The following ZNF804B variants were observed in gnomAD, a reference collection of about 807,000 sequenced individuals.
The protein encoded by ZNF804B is zinc finger protein 804B, also known as zinc finger 804B.
Under a neutral mutation model 101.4 loss-of-function variants are expected in ZNF804B, and 80 were observed. That is an observed-to-expected ratio of 0.79 (90% CI 0.66 to 0.95). The LOEUF (loss-of-function observed/expected upper bound fraction) is 0.95, where lower values mean the gene tolerates loss of function less well. ZNF804B is among the 40% of genes least tolerant of loss of function. ZNF804B has a pLI of 0.00. For synonymous variants in ZNF804B, 622 were observed against 558.8 expected (o/e 1.11, Z -1.59); for missense variants, 1,673 against 1,561.9 (o/e 1.07, Z -1.20).
intron 1 of ZNF804B, among the ~76,000 whole-genome samples, chr7:89,008,071 TA>T (rs1160494041): frequency 2.6e-5 from 4 of 152,254 alleles, no homozygotes; most frequent in Admixed American, 2.6e-4. Flanking sequence ...GAAAATCGGT[TA>T]AAGTTATTCA....
intron 2 of ZNF804B, among the ~76,000 whole-genome samples, chr7:89,253,593 T>G (rs7793013): frequency 0.12 from 18,578 of 152,074 alleles, 1,221 homozygotes; most frequent in Middle Eastern, 0.25. Flanking sequence ...TCTTTTAAAA[T>G]CCTCTCATTG....
At chr7:88,915,531 ATATAT>A (rs761957713) in intron 1 of ZNF804B, among the ~76,000 whole-genome samples, 6 of 152,108 alleles carry the variant, frequency 3.9e-5, no homozygotes, top group East Asian at 1.9e-4. Context: ...ATGGAAAAAA[ATATAT>A]TAGGTATGTA....
chr7:89,289,931 T>C (rs1319718066), intron 2 of ZNF804B, among the ~76,000 whole-genome samples: 2 of 152,142 alleles, frequency 1.3e-5, no homozygotes, highest in Non-Finnish European at 2.9e-5. Context: ...GCAGCACAGC[T>C]TGTGGATCCA....
rs866387790 is a variant in ZNF804B, at chr7:89,279,836, G to C, written c.250-47508G>C. ...CTCTTTTTTGGTTGTGTCTCTGCCA[G>C]GCTTTGGTATCAGGGTGATGCGGGC... On this transcript the variant is annotated intron_variant, in intron 2 of 3. Coordinates refer to ENST00000333190, the MANE Select transcript of ZNF804B (RefSeq NM_181646.5). 7.9e-5 allele frequency among the ~76,000 whole-genome samples: 12 copies of C among 152,016 alleles called. No homozygotes were observed. The Middle Eastern group carries it at 0.01, about 129-fold the overall frequency.
At chr7:89,239,723 T>C (rs1436701842) in intron 2 of ZNF804B, among the ~76,000 whole-genome samples, 1 of 151,914 alleles carries the variant, frequency 6.6e-6, no homozygotes, top group Admixed American at 6.6e-5. Context: ...ATACATTGAG[T>C]GGGGAATAGA....
chr7:88,874,417 C>G (rs1250773910), intron 1 of ZNF804B, among the ~76,000 whole-genome samples: 1 of 151,816 alleles, frequency 6.6e-6, no homozygotes, highest in African/African-American at 2.4e-5. Flanking sequence ...CGTCTGCAAA[C>G]AGGGACAATT....
At chr7:88,924,364 AG>A (rs1466883159) in intron 1 of ZNF804B, among the ~76,000 whole-genome samples, 2 of 152,050 alleles carry the variant, frequency 1.3e-5, no homozygotes, top group African/African-American at 2.4e-5. Context: ...TTGACATATT[AG>A]GTTTCCCTGT....
chr7:89,070,554 C>A (rs1307953220), intron 1 of ZNF804B, among the ~76,000 whole-genome samples: 1 of 151,876 alleles, frequency 6.6e-6, no homozygotes, highest in Non-Finnish European at 1.5e-5. Flanking sequence ...AGCAAGTTAA[C>A]TAAGTTCTCT....
At chr7:89,305,697 TA>T (rs1376775153) in intron 2 of ZNF804B, among the ~76,000 whole-genome samples, 1 of 152,026 alleles carries the variant, frequency 6.6e-6, no homozygotes, top group African/African-American at 2.4e-5. Flanking sequence ...TAAAAACATA[TA>T]ATGATAAAAT....
intron 1 of ZNF804B, among the ~76,000 whole-genome samples, chr7:89,085,806 G>A (rs1260542709): frequency 6.6e-6 from 1 of 151,906 alleles, no homozygotes; most frequent in Non-Finnish European, 1.5e-5. Flanking sequence ...CATTTCATTA[G>A]AATGGCTTTA....
At chr7:89,327,278 C>T (rs921497359) in intron 2 of ZNF804B, 66 bp from the exon 3 acceptor site, 3 of 1,438,296 alleles carry the variant, frequency 2.1e-6, no homozygotes, top group Non-Finnish European at 2.8e-6. Context: ...TAATAAGGAG[C>T]CTTGTGGATG....
intron 1 of ZNF804B, among the ~76,000 whole-genome samples, chr7:88,764,191 G>A (rs1239843184): frequency 1.3e-5 from 2 of 152,068 alleles, no homozygotes; most frequent in Non-Finnish European, 2.9e-5. Flanking sequence ...ACTATCATTC[G>A]GGATACCTAT....
chr7:88,997,473 A>G (rs1788218029), intron 1 of ZNF804B, among the ~76,000 whole-genome samples: 1 of 152,118 alleles, frequency 6.6e-6, no homozygotes, highest in South Asian at 2.1e-4. Flanking sequence ...CAGAAGTTGA[A>G]AATTTTTAAT....
intron 1 of ZNF804B, among the ~76,000 whole-genome samples, chr7:89,146,252 T>C: frequency 6.6e-6 from 1 of 152,014 alleles, no homozygotes; most frequent in East Asian, 1.9e-4. Flanking sequence ...TTAAGCCCAT[T>C]TTGTAGGATG....
intron 2 of ZNF804B, among the ~76,000 whole-genome samples, chr7:89,248,012 C>T (rs1200444619): frequency 1.3e-5 from 2 of 152,118 alleles, no homozygotes; most frequent in East Asian, 1.9e-4. Context: ...TCAGAGCTTG[C>T]AGACTGGTCT....
At chr7:89,166,844 G>A (rs1427823511) in intron 1 of ZNF804B, among the ~76,000 whole-genome samples, 1 of 152,096 alleles carries the variant, frequency 6.6e-6, no homozygotes, top group Non-Finnish European at 1.5e-5. Flanking sequence ...TAGTAGGAGA[G>A]GGTTATGAAA....
intron 2 of ZNF804B, among the ~76,000 whole-genome samples, chr7:89,230,297 C>T (rs897263269): frequency 9.7e-6 from 1 of 103,194 alleles, no homozygotes; most frequent in Middle Eastern, 5.0e-3. Context: ...GAGAGATAGA[C>T]ATGGGGAGGG....
rs553493911 is a variant in ZNF804B, at chr7:89,143,114, A to T, written c.109-75041A>T. On this transcript the variant is annotated intron_variant, in intron 1 of 3. Coordinates refer to ENST00000333190, the MANE Select transcript of ZNF804B (RefSeq NM_181646.5). Reference sequence around the variant, plus strand: ...ATTGGCAGTTTACGGATACATAGCTAAAATTAAACTGTACATGTTTTTACC... The same window carrying T: ...ATTGGCAGTTTACGGATACATAGCTTAAATTAAACTGTACATGTTTTTACC... Among the ~76,000 whole-genome samples, 892 of 152,102 alleles carry T rather than the reference A, an allele frequency of 5.9e-3. 9 individuals are homozygous for T. Among genetic ancestry groups the T allele is most frequent in the African/African-American group, 0.02 (838 of 41,530 alleles).
chr7:88,864,837 C>T (rs1452010434), intron 1 of ZNF804B, among the ~76,000 whole-genome samples: 1 of 152,126 alleles, frequency 6.6e-6, no homozygotes, highest in Non-Finnish European at 1.5e-5. Context: ...CATGAGATTG[C>T]AGGCAAATTT....
Sources: gnomAD v4.1 joint callset for allele counts (sites outside exome capture counted in the v4.1 genomes callset) on GRCh38, gnomAD v4.1.1 for gene constraint, MANE v1.5 for transcripts, NCBI Gene and HGNC (gene_info 2026-07-23, HGNC 2026-07-21) for gene names.